Variants in DEPDC4 observed in about 807,000 individuals in gnomAD.
DEPDC4 encodes DEP domain containing 4.
DEPDC4 carries 52 observed loss-of-function variants against 52.0 expected under a neutral mutation model. That is an observed-to-expected ratio of 1.00 (90% CI 0.80 to 1.26). The LOEUF is 1.26. Ranked by LOEUF, DEPDC4 falls within the 50% of genes most tolerant of loss-of-function variation. The pLI is 0.00. For synonymous variants in DEPDC4, 201 were observed against 196.8 expected (o/e 1.02, Z -0.18); for missense variants, 530 against 546.9 (o/e 0.97, Z 0.31).
chr12:100,274,419 A>G, the DEPDC4 span, among the ~76,000 whole-genome samples: 1 of 152,210 alleles, frequency 6.6e-6, no homozygotes, highest in Admixed American at 6.5e-5. Flanking sequence ...CAATTGAAAT[A>G]AATGTGTTCC....
upstream of DEPDC4, among the ~76,000 whole-genome samples, chr12:100,268,982 C>T (rs1173459775): frequency 6.6e-6 from 1 of 152,232 alleles, no homozygotes; most frequent in Non-Finnish European, 1.5e-5. Flanking sequence ...CCACCACCAT[C>T]TCTCATCCTG....
At chr12:100,250,028 C>T (rs890417166) in intron 7 of DEPDC4, among the ~76,000 whole-genome samples, 14 of 152,110 alleles carry the variant, frequency 9.2e-5, no homozygotes, top group African/African-American at 2.9e-4. Flanking sequence ...CAGGAAAAAG[C>T]GTGGCATGTT....
chr12:100,239,367 C>T (rs2096149719), downstream of DEPDC4, among the ~76,000 whole-genome samples: 1 of 151,684 alleles, frequency 6.6e-6, no homozygotes, highest in Non-Finnish European at 1.5e-5. Flanking sequence ...TGAGCCACCA[C>T]ACCTGGCCAA....
the DEPDC4 span, among the ~76,000 whole-genome samples, chr12:100,277,158 A>G: frequency 6.6e-6 from 1 of 152,230 alleles, no homozygotes; most frequent in African/African-American, 2.4e-5. Context: ...TCATAGCCCA[A>G]CATATAGTTC....
At chr12:100,269,440 A>G (rs574830207), upstream of DEPDC4, among the ~76,000 whole-genome samples, 1 of 152,242 alleles carries the variant, frequency 6.6e-6, no homozygotes, top group East Asian at 1.9e-4. Context: ...AAGAGTTGTC[A>G]TGTTTATTAA....
chr12:100,267,109 G>A (rs369203871), upstream of DEPDC4: 26 of 1,607,020 alleles, frequency 1.6e-5, no homozygotes, highest in Non-Finnish European at 2.1e-5. Context: ...GGGGCGGAGA[G>A]AAGTACTGGC....
At chr12:100,242,630 A>G (rs2096164462) in intron 8 of DEPDC4, 61 bp from the exon 9 acceptor site, 1 of 154,774 alleles carries the variant, frequency 6.5e-6, no homozygotes, top group Non-Finnish European at 1.5e-5. Context: ...TTAGGATCTG[A>G]ACCCAGGGTT....
chr12:100,236,878 T>A (rs561927040), downstream of DEPDC4, among the ~76,000 whole-genome samples: 1 of 152,288 alleles, frequency 6.6e-6, no homozygotes. Flanking sequence ...AGATGAGGAA[T>A]CCAGTTTCAT....
chr12:100,256,201 T>C lies in DEPDC4; in HGVS notation c.726A>G (p.Leu242=). ...KEDVWKEQTL[L]CLLQLIHLPF... ...GAAGGTGAATCAATTGAAGAAGACA[T>C]AATAATGTTTGTTCTTTCCAAACAT... The change falls in exon 4 of 10, where the codon TTA becomes TTG. Residue 242 remains leucine, a synonymous_variant. Transcript: ENST00000550587. 1 of 1,612,166 alleles carries C rather than the reference T, an allele frequency of 6.2e-7. No individual in the cohort carries two copies.
Position 100,232,659 on chromosome 12 carries a change from G to A in DEPDC4, c.*699+5309C>T, listed in dbSNP as rs145001792. Among the ~76,000 whole-genome samples the A allele has an allele frequency of 2.4e-3, 367 of 151,816 alleles. 7 individuals are homozygous for A. The East Asian group carries it at 0.04, about 17-fold the overall frequency. On this transcript the variant is annotated intron_variant and NMD_transcript_variant, in intron 9 of 10. Coordinates refer to the DEPDC4 transcript ENST00000378244. ...AGCACTTTGGGAGGCCAAGGTGGGC[G>A]GATCACCTGAGGTCGGGAGTTTGAG...
intron 9 of DEPDC4, among the ~76,000 whole-genome samples, chr12:100,234,642 C>T (rs900488328): frequency 2.0e-5 from 3 of 151,988 alleles, no homozygotes; most frequent in Non-Finnish European, 4.4e-5. Context: ...TTTGTCATCT[C>T]GTAGAGACCG....
chr12:100,276,172 T>A, the DEPDC4 span, among the ~76,000 whole-genome samples: 12 of 152,220 alleles, frequency 7.9e-5, no homozygotes, highest in Admixed American at 7.2e-4. Context: ...GAAAGTATCC[T>A]CCCCTCTTCT....
intron 8 of DEPDC4, among the ~76,000 whole-genome samples, chr12:100,244,248 T>G (rs2096175476): frequency 6.6e-6 from 1 of 151,160 alleles, no homozygotes. Context: ...TGGCGCGATC[T>G]CGGCTCACTG....
chr12:100,253,917 T>C (rs1287428135), intron 4 of DEPDC4, among the ~76,000 whole-genome samples: 2 of 152,208 alleles, frequency 1.3e-5, no homozygotes, highest in Non-Finnish European at 2.9e-5. Context: ...TATTCCTTAC[T>C]GAATACCACC....
intron 9 of DEPDC4, among the ~76,000 whole-genome samples, chr12:100,233,385 C>A (rs984564762): frequency 6.6e-6 from 1 of 152,220 alleles, no homozygotes; most frequent in African/African-American, 2.4e-5. Context: ...GATGCTGTTA[C>A]AAATTCTAAC....
At position 100,244,097 on chromosome 12, in the gene DEPDC4, A is replaced by G. The variant is rs1268612583; in HGVS notation, c.1454-1528T>C. The stretch of plus-strand genomic sequence containing the variant: ...TCTCTCTCTCTCTCTCTCTCTGTGT[A>G]TATATATATATATATATATATATAT... On this transcript the variant is annotated intron_variant, in intron 8 of 9. Coordinates refer to ENST00000550587, the MANE Select transcript of DEPDC4 (RefSeq NM_001364818.2). Among the ~76,000 whole-genome samples the G allele has an allele frequency of 1.2e-3, 20 of 17,312 alleles. 1 individual carries two copies. Among genetic ancestry groups the G allele is most frequent in the South Asian group, 3.0e-3 (3 of 998 alleles). The allele number at this position is 17,312 out of a possible 152,430, so 11.4% of individuals were successfully genotyped here. A position where few individuals can be genotyped will look rare whatever the true frequency, so the allele number is the denominator to read the frequency against.
chr12:100,259,790 G>A (rs1041594656), intron 3 of DEPDC4, among the ~76,000 whole-genome samples: 2 of 152,124 alleles, frequency 1.3e-5, no homozygotes, highest in Non-Finnish European at 2.9e-5. Context: ...GGCCTGTCTG[G>A]GGAGGAGGGA....
chr12:100,264,414 C>T (rs2096264591), intron 1 of DEPDC4, among the ~76,000 whole-genome samples: 1 of 152,138 alleles, frequency 6.6e-6, no homozygotes, highest in Non-Finnish European at 1.5e-5. Context: ...CACAGTGGCT[C>T]ATACCTGTAA....
In DEPDC4 at chr12:100,266,972, G is replaced by C. The variant is rs764886485; in HGVS notation, c.105C>G (p.Asn35Lys). 5.0e-6 allele frequency: 8 copies of C among 1,613,898 alleles called. No individual in the cohort carries two copies. The Admixed American group carries it at 1.0e-4, about 20-fold the overall frequency. The change falls in exon 1 of 10, where the codon AAC (asparagine) becomes AAG (lysine). Residue 35 changes from asparagine to lysine, a missense_variant. Asn to Lys is a moderately conservative substitution (Grantham distance 94, BLOSUM62 0). Transcript: ENST00000550587. ...CTCTACGGTTCCTGGAACTTGGCCC[G>C]TTCAGCCCTGGGCCCGGAAGCTCGT... ...SQNELPGPGLNGPSSRNRRDG... is the reference protein window; with the variant it reads ...SQNELPGPGLKGPSSRNRRDG...
Sources: gnomAD v4.1 joint callset for allele counts (sites outside exome capture counted in the v4.1 genomes callset) on GRCh38, gnomAD v4.1.1 for gene constraint, MANE v1.5 for transcripts, NCBI Gene and HGNC (gene_info 2026-07-23, HGNC 2026-07-21) for gene names.